The following GBP5 variants were observed in gnomAD, a reference collection of about 807,000 sequenced individuals.
The protein encoded by GBP5 is guanylate binding protein 5, also known as guanylate-binding protein 5.
A neutral mutation model predicts 58.2 loss-of-function variants in GBP5; 48 were observed. That is an observed-to-expected ratio of 0.83 (90% CI 0.65 to 1.05). The LOEUF is 1.05. Among genes scored for constraint, GBP5 ranks in the 50% least tolerant of loss-of-function variants. The pLI, the probability that GBP5 is intolerant of heterozygous loss-of-function variation, is 0.00. For synonymous variants in GBP5, 248 were observed against 251.8 expected (o/e 0.98, Z 0.14); for missense variants, 714 against 686.8 (o/e 1.04, Z -0.44).
Position 89,257,559 on chromosome 1 carries a change from CAAT to C in GBP5, c.*3142_*3144del, listed in dbSNP as rs916860775. On this transcript the variant is annotated 3_prime_UTR_variant, in exon 12 of 12. Transcript: ENST00000370459. ...AATTTATTTAATTTCAATGCTTTAA[CAAT>C]AATAACTTTAATAATGATAACACTA... Among the ~76,000 whole-genome samples, 41 of 152,234 alleles carry C rather than the reference CAAT, an allele frequency of 2.7e-4. No individual in the cohort carries two copies. Among genetic ancestry groups the C allele is most frequent in the Admixed American group, 2.6e-4 (4 of 15,286 alleles).
Position 89,260,656 on chromosome 1 carries a change from G to T in GBP5, c.*48C>A. ...AGGTCTACAGTTTCTTTTCTGTTGT[G>T]TCATCAGTGACAAAGAGTAAAAAAA... is the stretch of plus-strand genomic sequence containing the variant. On this transcript the variant is annotated 3_prime_UTR_variant, in exon 12 of 12. Coordinates refer to ENST00000370459, the MANE Select transcript of GBP5 (RefSeq NM_052942.5). The T allele has an allele frequency of 9.2e-7, 1 of 1,092,760 alleles. No individual in the cohort carries two copies. The highest frequency in any genetic ancestry group is 1.4e-6 in the Non-Finnish European group (1 of 712,390). 67.7% of individuals were successfully genotyped at this position (1,092,760 alleles called of 1,614,324 possible). A position where few individuals can be genotyped will look rare whatever the true frequency, so the allele number is the denominator to read the frequency against.
intron 5 of GBP5, 47 bp from the exon 6 acceptor site, chr1:89,267,200 AC>A: frequency 6.9e-7 from 1 of 1,451,622 alleles, no homozygotes; most frequent in Non-Finnish European, 9.4e-7. Flanking sequence ...CCACATCTAA[AC>A]CCATACTTAA....
Position 89,269,513 on chromosome 1 carries a change from C to T in GBP5, c.43G>A (p.Glu15Lys), listed in dbSNP as rs542378704. ...ACCTTCAGCTGCTCATTAAAGTTCT[C>T]GATGAGGCACATGGGGTCTGACATG... ...IHMSDPMCLI[E>K]NFNEQLKVNQ... The change falls in exon 3 of 12, where the codon GAG (glutamate) becomes AAG (lysine). Residue 15 changes from glutamate (E) to lysine (K), a missense_variant. Coordinates refer to ENST00000370459, the MANE Select transcript of GBP5 (RefSeq NM_052942.5). The T allele has an allele frequency of 8.7e-6, 14 of 1,613,766 alleles. No individual in the cohort carries two copies. The highest frequency in any genetic ancestry group is 5.5e-5 in the South Asian group (5 of 91,050).
chr1:89,269,183 G>T (rs1384161925), intron 3 of GBP5, among the ~76,000 whole-genome samples, 183 bp downstream of exon 3: 1 of 152,008 alleles, frequency 6.6e-6, no homozygotes, highest in Non-Finnish European at 1.5e-5. Context: ...AAAAAAAAGA[G>T]GTGATATGTC....
At chr1:89,269,632 G>T (rs1002272139) in intron 2 of GBP5, 58 bp from the exon 3 acceptor site, 2 of 1,214,732 alleles carry the variant, frequency 1.6e-6, no homozygotes, top group East Asian at 4.7e-5. Flanking sequence ...ATAAGCAAAG[G>T]AAGTCATTTT....
intron 7 of GBP5, among the ~76,000 whole-genome samples, chr1:89,265,835 T>C (rs1254851068): frequency 6.6e-6 from 1 of 152,196 alleles, no homozygotes; most frequent in East Asian, 1.9e-4. Flanking sequence ...TTGCACACTT[T>C]TGTTTCCAGT....
Position 89,257,959 on chromosome 1 carries a change from C to A in GBP5, c.*2745G>T, listed in dbSNP as rs573457453. Among the ~76,000 whole-genome samples the A allele has an allele frequency of 6.6e-6, 1 of 152,316 alleles. No homozygotes were observed. The highest frequency in any genetic ancestry group is 2.1e-4 in the South Asian group (1 of 4,826). On this transcript the variant is annotated 3_prime_UTR_variant, in exon 12 of 12. Transcript: ENST00000370459. ...GCTTTGCTTTTCATTACATTTAAAA[C>A]TAGATCAGTTGATTTCACAACAGTA...
intron 9 of GBP5, chr1:89,263,225 G>T (rs1650081122): frequency 6.1e-6 from 1 of 163,294 alleles, no homozygotes; most frequent in Admixed American, 5.8e-5. Flanking sequence ...CACCTTTATT[G>T]TCATGTGGGG....
chr1:89,264,226 C>T (rs1344098866), intron 8 of GBP5, among the ~76,000 whole-genome samples: 1 of 152,016 alleles, frequency 6.6e-6, no homozygotes, highest in Non-Finnish European at 1.5e-5. Flanking sequence ...TAAATGCAGC[C>T]TACTAGTTTA....
rs1344101633 is a variant in GBP5 at position 89,264,733 on chromosome 1, T to TC, written c.1101dup (p.Lys368GlufsTer25). 1 of 1,614,230 alleles carries TC rather than the reference T, an allele frequency of 6.2e-7. No individual in the cohort carries two copies. Among genetic ancestry groups the TC allele is most frequent in the South Asian group, 1.1e-5 (1 of 91,082 alleles). The stretch of plus-strand genomic sequence containing the variant: ...TGGTCTACATCCTTGAAAGAGTTTT[T>TC]CATGAAGACTTCAATGGCCTCCCTC... On this transcript the variant is annotated frameshift_variant, in exon 8 of 12. Transcript: ENST00000370459. LOFTEE classifies it high-confidence loss of function.
At chr1:89,264,395 G>T (rs111885287) in intron 8 of GBP5, among the ~76,000 whole-genome samples, 3,254 of 152,178 alleles carry the variant, frequency 0.021, 69 homozygotes, top group East Asian at 0.089. Context: ...TAATAAAAAA[G>T]AAAATTTAAT....
At chr1:89,262,874 C>G in intron 9 of GBP5, 89 bp from the exon 10 acceptor site, 2 of 805,286 alleles carry the variant, frequency 2.5e-6, no homozygotes, top group Non-Finnish European at 3.9e-6. Context: ...CCAGCAGCAT[C>G]TATTCCTCAT....
In GBP5 at chr1:89,257,392, G is replaced by A. The variant is rs1038591868; in HGVS notation, c.*3312C>T. On this transcript the variant is annotated 3_prime_UTR_variant, in exon 12 of 12. Transcript: ENST00000370459. ...TCCCACCTGGTCCCTCCCACAACAC[G>A]TGGGCATTATGGGAGCCATAATTCA... Among the ~76,000 whole-genome samples the A allele has an allele frequency of 2.0e-5, 3 of 152,098 alleles. No individual in the cohort carries two copies. Among genetic ancestry groups the A allele is most frequent in the Non-Finnish European group, 2.9e-5 (2 of 68,022 alleles).
At position 89,260,784 on chromosome 1, in the gene GBP5, C is replaced by T. The variant is rs1303550539; in HGVS notation, c.1681G>A (p.Ala561Thr). 6.2e-7 allele frequency: 1 copy of T among 1,614,082 alleles called. No homozygotes were observed. Among genetic ancestry groups the T allele is most frequent in the Admixed American group, 1.7e-5 (1 of 60,018 alleles). ...QAAQLSTTFQ[A>T]QNRSLLSELQ... ...TCACTGAGAAGGCTTCTATTTTGAG[C>T]TTGGAATGTTGTGCTGAGCTGTGCA... The change falls in exon 12 of 12, where the codon GCT becomes ACT. Residue 561 changes from alanine to threonine, a missense_variant. Coordinates refer to ENST00000370459, the MANE Select transcript of GBP5 (RefSeq NM_052942.5).
At chr1:89,262,012 T>G (rs542285325) in intron 11 of GBP5, 1 of 569,376 alleles carries the variant, frequency 1.8e-6, no homozygotes, top group East Asian at 2.8e-5. Flanking sequence ...GTGTCCATTT[T>G]ACACAAGAGG....
In GBP5 at chr1:89,258,041, A is replaced by G. The variant is rs2100711244; in HGVS notation, c.*2663T>C. Among the ~76,000 whole-genome samples, 1 of 152,356 alleles carries G rather than the reference A, an allele frequency of 6.6e-6. No homozygotes were observed. Among genetic ancestry groups the G allele is most frequent in the African/African-American group, 2.4e-5 (1 of 41,578 alleles). ...TACTGGTAGTTTCAAGAAATCATCA[A>G]TGTTTACCTTACAGTGCCTTTTCTT... On this transcript the variant is annotated 3_prime_UTR_variant, in exon 12 of 12. Transcript: ENST00000370459.
intron 2 of GBP5, chr1:89,269,777 A>G (rs1289984556): frequency 7.9e-6 from 3 of 379,682 alleles, no homozygotes; most frequent in African/African-American, 4.1e-5. Flanking sequence ...GGCCCTTTAT[A>G]TGTCTACTAT....
rs1262164506 is a variant in GBP5 at position 89,256,866 on chromosome 1, G to C, written c.*3838C>G. On this transcript the variant is annotated 3_prime_UTR_variant, in exon 12 of 12. Transcript: ENST00000370459. ...CTACTAAGAAGTCTATCTTTACCCT[G>C]TATTATTCCTATAAAGTCTATTTTT... is the stretch of plus-strand genomic sequence containing the variant. 6.6e-6 allele frequency among the ~76,000 whole-genome samples: 1 copy of C among 152,030 alleles called. No individual in the cohort carries two copies. Among genetic ancestry groups the C allele is most frequent in the Non-Finnish European group, 1.5e-5 (1 of 67,984 alleles).
At chr1:89,267,656 A>C (rs555748596) in intron 4 of GBP5, 130 bp from the exon 5 acceptor site, 1 of 632,638 alleles carries the variant, frequency 1.6e-6, no homozygotes, top group African/African-American at 1.8e-5. Flanking sequence ...AACTTTGAAT[A>C]GTTCTCTTGT....
Sources: allele counts gnomAD v4.1 joint callset (sites outside exome capture counted in the v4.1 genomes callset), GRCh38; gene constraint gnomAD v4.1.1; transcripts MANE v1.5; gene names NCBI Gene and HGNC (gene_info 2026-07-23, HGNC 2026-07-21).